USP9X: variants seen among roughly 807,000 people sequenced by gnomAD.
USP9X encodes ubiquitin specific peptidase 9 X-linked.
A neutral mutation model predicts 190.3 loss-of-function variants in USP9X; 7 were observed. That is an observed-to-expected ratio of 0.04 (90% confidence interval 0.02 to 0.07). The LOEUF is 0.07. USP9X is among the 10% of genes least tolerant of loss of function. USP9X has a pLI of 1.00. For synonymous variants in USP9X, 645 were observed against 659.5 expected, an observed-to-expected ratio of 0.98 and a Z score of 0.34; for missense variants, 1,010 against 1,916.9, an observed-to-expected ratio of 0.53 and a Z score of 8.83.
chrX:41,217,155 C>G, intron 35 of USP9X, 65 bp from the exon 36 acceptor site: 1 of 1,131,766 alleles, frequency 8.8e-7, no homozygotes, highest in Non-Finnish European at 1.2e-6. Context: ...AATGGAAACA[C>G]AGACTTGTTT....
At chrX:41,167,679 T>G (rs1348490580) in intron 17 of USP9X, 102 bp downstream of exon 17, 5 of 591,231 alleles carry the variant, frequency 8.5e-6, no homozygotes, top group Non-Finnish European at 1.3e-5. Flanking sequence ...TCTTGCCTTG[T>G]TAGTTGTCTT....
intron 1 of USP9X, among the ~76,000 whole-genome samples, chrX:41,099,794 C>T (rs994612553): frequency 1.8e-5 from 2 of 111,462 alleles, no homozygotes; most frequent in Non-Finnish European, 3.8e-5. Context: ...GTCAGGAGAT[C>T]GAGACCATCC....
At chrX:41,230,033 T>G (rs2063346161) in intron 43 of USP9X, 1 of 401,384 alleles carries the variant, frequency 2.5e-6, no homozygotes, top group Admixed American at 5.1e-5. Flanking sequence ...AAATCCCATC[T>G]CCACTAAAAA....
intron 44 of USP9X, among the ~76,000 whole-genome samples, chrX:41,231,275 A>G (rs989909425): frequency 5.4e-5 from 6 of 111,488 alleles, no homozygotes. Flanking sequence ...GGGCTGGAAA[A>G]TGTACATTTC....
intron 1 of USP9X, among the ~76,000 whole-genome samples, chrX:41,090,031 G>A (rs747120720): frequency 1.0e-5 from 1 of 100,456 alleles, no homozygotes; most frequent in East Asian, 3.3e-4. Flanking sequence ...TTAGTCTCCT[G>A]AGTAGCCGGG....
intron 28 of USP9X, 87 bp from the exon 29 acceptor site, chrX:41,197,277 C>A: frequency 1.6e-6 from 1 of 640,736 alleles, no homozygotes; most frequent in Non-Finnish European, 2.4e-6. Context: ...CTGTCTCGTT[C>A]TGGCTCCTCT....
chrX:41,127,868 T>C (rs779917955), intron 2 of USP9X, among the ~76,000 whole-genome samples: 1 of 112,636 alleles, frequency 8.9e-6, no homozygotes, highest in Admixed American at 9.4e-5. Flanking sequence ...CATCAGCCTA[T>C]AGTGAATAGA....
intron 30 of USP9X, among the ~76,000 whole-genome samples, chrX:41,200,760 AAAGTT>A (rs1175614800): frequency 8.9e-6 from 1 of 112,730 alleles, no homozygotes; most frequent in East Asian, 2.8e-4. Context: ...AGATGCAAGT[AAAGTT>A]AGCATGTAGA....
intron 41 of USP9X, 121 bp from the exon 42 acceptor site, chrX:41,229,132 C>T (rs1338464659): frequency 4.2e-6 from 2 of 475,338 alleles, no homozygotes; most frequent in Non-Finnish European, 6.6e-6. Flanking sequence ...ATAATAGTAC[C>T]TATTGTCTAA....
chrX:41,154,711 A>G (rs968033449), intron 14 of USP9X, among the ~76,000 whole-genome samples: 3 of 111,734 alleles, frequency 2.7e-5, no homozygotes, highest in Admixed American at 1.9e-4. Context: ...ACATGACCCA[A>G]ACATATTAGC....
intron 32 of USP9X, among the ~76,000 whole-genome samples, chrX:41,207,681 C>T (rs1485166459): frequency 9.0e-6 from 1 of 111,244 alleles, no homozygotes; most frequent in Non-Finnish European, 1.9e-5. Flanking sequence ...AAGTAATCCT[C>T]CTTGGAATCC....
chrX:41,140,410 T>G (rs995291889), intron 6 of USP9X, among the ~76,000 whole-genome samples: 2 of 111,599 alleles, frequency 1.8e-5, no homozygotes, highest in Non-Finnish European at 3.8e-5. Flanking sequence ...CTAATTCCTG[T>G]TCACCACTTA....
intron 21 of USP9X, among the ~76,000 whole-genome samples, chrX:41,178,931 A>G (rs1359720187): frequency 8.9e-6 from 1 of 112,181 alleles, no homozygotes; most frequent in Non-Finnish European, 1.9e-5. Context: ...CTGCATATGT[A>G]TATTCTGTTT....
rs758055868 is a variant in USP9X at position 41,178,084 on chromosome X, C to CTT, written c.3149-5885_3149-5884dup. Among the ~76,000 whole-genome samples, 193 of 34,322 alleles carry CTT rather than the reference C, an allele frequency of 5.6e-3. 15 individuals are homozygous for CTT. Among genetic ancestry groups the CTT allele is most frequent in the African/African-American group, 0.011 (85 of 7,761 alleles). The allele number at this position is 34,322 out of a possible 115,157, so 29.8% of individuals were successfully genotyped here. On this transcript the variant is annotated intron_variant, in intron 21 of 44. Transcript: ENST00000378308. Reference sequence around the variant, plus strand: ...AGAAATCAAAATCCGAGGTTTAAATCTTTTTTTTTTTTTTTTTTTTTTTTT... The same window carrying CTT: ...AGAAATCAAAATCCGAGGTTTAAATCTTTTTTTTTTTTTTTTTTTTTTTTTTT...
At chrX:41,149,922 T>C (rs1398726834) in intron 12 of USP9X, among the ~76,000 whole-genome samples, 2 of 110,451 alleles carry the variant, frequency 1.8e-5, no homozygotes. Flanking sequence ...GCCAGGCTGG[T>C]CTCGAACTCC....
intron 25 of USP9X, among the ~76,000 whole-genome samples, chrX:41,189,026 A>G (rs887646763): frequency 7.1e-5 from 8 of 112,436 alleles, no homozygotes; most frequent in Admixed American, 3.8e-4. Context: ...TTGTTGGTTC[A>G]GAAGTAAACA....
In USP9X at chrX:41,164,778, T is replaced by C. The variant is rs142427764; in HGVS notation, c.1986-1094T>C. ...CAGCCAGTATACGATGGAATTGCAC[T>C]ACTCAACTAGGTCTCTTTTACTTAA... On this transcript the variant is annotated intron_variant, in intron 15 of 44. Transcript: ENST00000378308. Among the ~76,000 whole-genome samples, 4 of 112,271 alleles carry C rather than the reference T, an allele frequency of 3.6e-5. No individual in the cohort carries two copies. In the East Asian group the frequency reaches 1.1e-3, roughly 31 times the overall value.
chrX:41,116,210 GTAA>G (rs1217615669), intron 1 of USP9X, among the ~76,000 whole-genome samples: 2 of 112,367 alleles, frequency 1.8e-5, no homozygotes, highest in Non-Finnish European at 3.8e-5. Context: ...TTCTGTTTGT[GTAA>G]TAATTTTGTT....
At chrX:41,218,088 A>G (rs776825700) in intron 36 of USP9X, among the ~76,000 whole-genome samples, 1 of 112,431 alleles carries the variant, frequency 8.9e-6, no homozygotes, top group East Asian at 2.8e-4. Flanking sequence ...TACTCATTTC[A>G]GGAATATGTC....
Sources: gnomAD v4.1 joint callset for allele counts (sites outside exome capture counted in the v4.1 genomes callset) on GRCh38, gnomAD v4.1.1 for gene constraint, MANE v1.5 for transcripts, NCBI Gene and HGNC (gene_info 2026-07-23, HGNC 2026-07-21) for gene names.